Variants in GPM6A observed in about 807,000 individuals in gnomAD.
The protein encoded by GPM6A is neuronal membrane glycoprotein M6-a.
Under a neutral mutation model 32.1 loss-of-function variants are expected in GPM6A, and 7 were observed. That is an observed-to-expected ratio of 0.22 (90% confidence interval 0.12 to 0.41). The LOEUF is 0.41. Among genes scored for constraint, GPM6A ranks in the 10% least tolerant of loss-of-function variants. GPM6A has a pLI of 1.00. For missense variants in GPM6A, 235 were observed against 347.2 expected, an observed-to-expected ratio of 0.68 and a Z score of 2.57; for synonymous variants, 130 against 123.4, an observed-to-expected ratio of 1.05 and a Z score of -0.35.
intron 2 of GPM6A, among the ~76,000 whole-genome samples, chr4:175,692,043 A>G (rs993635229): frequency 3.3e-5 from 5 of 152,184 alleles, no homozygotes; most frequent in Non-Finnish European, 5.9e-5. Flanking sequence ...CCTTGATTTT[A>G]GCTCATTTCA....
rs867288089 is a variant in GPM6A at position 175,992,066 on chromosome 4, A to G, written c.-23+10243T>C. 1.7e-3 allele frequency among the ~76,000 whole-genome samples: 248 copies of G among 149,864 alleles called. 1 individual carries two copies. Among genetic ancestry groups the G allele is most frequent in the African/African-American group, 4.2e-3 (173 of 41,100 alleles). ...CCTACACACAAACACACATGCACAC[A>G]CACACACACACACACACACACACAC... On this transcript the variant is annotated intron_variant, in intron 1 of 7. Transcript: ENST00000280187.
chr4:175,637,115 G>GATATATA (rs1332038444), intron 6 of GPM6A, among the ~76,000 whole-genome samples: 1 of 71,030 alleles, frequency 1.4e-5, no homozygotes, highest in Non-Finnish European at 2.5e-5. Flanking sequence ...TATTATATGT[G>GATATATA]ATATATAATA....
chr4:175,812,868 T>C (rs1275703508), upstream of GPM6A: 5 of 985,192 alleles, frequency 5.1e-6, no homozygotes, highest in African/African-American at 8.7e-5. Flanking sequence ...ATTTAGTTAA[T>C]TTGATTTAAG....
intron 3 of GPM6A, 98 bp downstream of exon 3, chr4:175,673,582 G>GAA: frequency 1.3e-6 from 1 of 799,548 alleles, no homozygotes; most frequent in Non-Finnish European, 1.9e-6. Flanking sequence ...GTTACTGTGT[G>GAA]AAAAAAAAAT....
chr4:175,883,969 T>G (rs1737362111), intron 1 of GPM6A, among the ~76,000 whole-genome samples: 1 of 152,234 alleles, frequency 6.6e-6, no homozygotes, highest in African/African-American at 2.4e-5. Context: ...ATGTATAAAA[T>G]TGATCTTACT....
Position 175,999,484 on chromosome 4 carries a change from G to A in GPM6A, c.-23+2825C>T, listed in dbSNP as rs74526140. On this transcript the variant is annotated intron_variant, in intron 1 of 7. Transcript: ENST00000280187. ...CAATGAGGAAATCAAACAATAAAAGGAAGAGATGCCAAAATTGCAATTTGC... is the reference window on the plus strand; with the variant it reads ...CAATGAGGAAATCAAACAATAAAAGAAAGAGATGCCAAAATTGCAATTTGC... Among the ~76,000 whole-genome samples, 1,158 of 152,088 alleles carry A rather than the reference G, an allele frequency of 7.6e-3. 7 individuals carry two copies. The highest frequency in any genetic ancestry group is 0.011 in the Non-Finnish European group (736 of 67,988).
intron 3 of GPM6A, among the ~76,000 whole-genome samples, chr4:175,672,042 T>C (rs1478350124): frequency 6.6e-6 from 1 of 151,854 alleles, no homozygotes; most frequent in Non-Finnish European, 1.5e-5. Flanking sequence ...AAAATTCCTA[T>C]TTGAAATACC....
At chr4:175,698,324 A>C (rs1185562677) in intron 2 of GPM6A, among the ~76,000 whole-genome samples, 1 of 152,174 alleles carries the variant, frequency 6.6e-6, no homozygotes, top group Admixed American at 6.6e-5. Context: ...TCTGTAAATT[A>C]CTAAAATTAG....
intron 1 of GPM6A, chr4:175,805,931 A>T (rs1385130537): frequency 6.6e-6 from 1 of 152,232 alleles, no homozygotes; most frequent in African/African-American, 2.4e-5. Context: ...CACAGTACAA[A>T]GAAGTAAGTT....
chr4:175,890,911 C>T (rs1298889339), intron 1 of GPM6A, among the ~76,000 whole-genome samples: 3 of 152,000 alleles, frequency 2.0e-5, no homozygotes, highest in Non-Finnish European at 4.4e-5. Context: ...AGTATGATAA[C>T]ATTTATATAC....
intron 1 of GPM6A, among the ~76,000 whole-genome samples, chr4:175,726,606 A>G (rs1746422590): frequency 6.6e-6 from 1 of 152,194 alleles, no homozygotes; most frequent in African/African-American, 2.4e-5. Context: ...TCTATATTCC[A>G]GGATTGATTA....
intron 1 of GPM6A, among the ~76,000 whole-genome samples, chr4:175,885,668 C>T (rs1014989288): frequency 2.6e-5 from 4 of 152,084 alleles, no homozygotes; most frequent in African/African-American, 9.7e-5. Context: ...TAATCCCACT[C>T]CTTGGTATAT....
intron 2 of GPM6A, among the ~76,000 whole-genome samples, chr4:175,689,405 T>C (rs1744168120): frequency 6.6e-6 from 1 of 152,134 alleles, no homozygotes; most frequent in Admixed American, 6.6e-5. Context: ...CAATTTCCAG[T>C]GTACAAGCCT....
At chr4:175,651,794 G>C (rs1417685139) in intron 4 of GPM6A, 40 bp downstream of exon 4, 1 of 1,528,036 alleles carries the variant, frequency 6.5e-7, no homozygotes, top group African/African-American at 1.4e-5. Flanking sequence ...ACACAATATG[G>C]GATGGTGTTT....
chr4:175,803,852 C>G (rs1021761554), intron 1 of GPM6A, among the ~76,000 whole-genome samples: 1 of 152,058 alleles, frequency 6.6e-6, no homozygotes, highest in Non-Finnish European at 1.5e-5. Flanking sequence ...TTTCTGAATT[C>G]TAGATCTTAT....
chr4:175,927,757 C>T (rs746780254), intron 1 of GPM6A, among the ~76,000 whole-genome samples: 15 of 152,164 alleles, frequency 9.9e-5, no homozygotes, highest in Admixed American at 3.3e-4. Flanking sequence ...TGGCGGTGCA[C>T]GCCTGTAATC....
At chr4:175,731,012 T>C (rs537132811) in intron 1 of GPM6A, among the ~76,000 whole-genome samples, 24 of 152,318 alleles carry the variant, frequency 1.6e-4, no homozygotes, top group South Asian at 6.2e-4. Context: ...CCTTTTCTTG[T>C]CGACCATTCA....
chr4:175,844,850 T>C (rs1167438121), intron 1 of GPM6A, among the ~76,000 whole-genome samples: 1 of 152,162 alleles, frequency 6.6e-6, no homozygotes, highest in Non-Finnish European at 1.5e-5. Flanking sequence ...GGTATTGAAT[T>C]TATTTTCTTT....
In GPM6A at chr4:175,831,715, CTTT is replaced by C. The variant is rs780096379; in HGVS notation, c.-22-19469_-22-19467del. Reference sequence around the variant, plus strand: ...CTTGTTAAGGCCCATTTAGCCATCTCTTTTTTTTTTTTTTTTTTTTTTTGACGG... The same window carrying C: ...CTTGTTAAGGCCCATTTAGCCATCTCTTTTTTTTTTTTTTTTTTTTGACGG... On this transcript the variant is annotated intron_variant, in intron 1 of 7. Coordinates refer to the GPM6A transcript ENST00000280187. 1.3e-3 allele frequency among the ~76,000 whole-genome samples: 90 copies of C among 69,954 alleles called. No homozygotes were observed. The East Asian group carries it at 0.035, about 27-fold the overall frequency. 45.9% of individuals were successfully genotyped at this position (69,954 alleles called of 152,430 possible).
Sources: allele counts gnomAD v4.1 joint callset (sites outside exome capture counted in the v4.1 genomes callset), GRCh38; gene constraint gnomAD v4.1.1; transcripts MANE v1.5; gene names NCBI Gene and HGNC (gene_info 2026-07-23, HGNC 2026-07-21).